Variants in MTMR12 observed in about 807,000 individuals in gnomAD.
MTMR12 encodes myotubularin-related protein 12.
A neutral mutation model predicts 96.7 loss-of-function variants in MTMR12; 33 were observed. That is an observed-to-expected ratio of 0.34 (90% CI 0.26 to 0.46). The LOEUF is 0.46. Among genes scored for constraint, MTMR12 ranks in the 20% least tolerant of loss-of-function variants. The pLI, the probability that MTMR12 is intolerant of heterozygous loss-of-function variation, is 1.00. For missense variants in MTMR12, 721 were observed against 896.1 expected (o/e 0.80, Z 2.49); for synonymous variants, 298 against 327.2 (o/e 0.91, Z 0.96).
chr5:32,275,307 C>T (rs1750008091), intron 2 of MTMR12, among the ~76,000 whole-genome samples: 2 of 152,048 alleles, frequency 1.3e-5, no homozygotes, highest in Admixed American at 1.3e-4. Context: ...AAGACAGGGC[C>T]TCATTAGGGT....
At chr5:32,234,619 G>C (rs539105691) in intron 14 of MTMR12, 1 of 164,976 alleles carries the variant, frequency 6.1e-6, no homozygotes, top group African/African-American at 2.4e-5. Flanking sequence ...ATGTGACCAC[G>C]AGTGAGTTAC....
intron 1 of MTMR12, among the ~76,000 whole-genome samples, chr5:32,281,562 T>C (rs1750294946): frequency 6.6e-6 from 1 of 152,180 alleles, no homozygotes; most frequent in South Asian, 2.1e-4. Flanking sequence ...GAAAGCACTT[T>C]GAACCCTCTG....
chr5:32,262,130 T>C (rs529084810), intron 7 of MTMR12, among the ~76,000 whole-genome samples: 1 of 152,134 alleles, frequency 6.6e-6, no homozygotes, highest in South Asian at 2.1e-4. Context: ...AGGAAGAAAC[T>C]CTCATACACT....
Position 32,276,691 on chromosome 5 carries a change from A to G in MTMR12, c.133T>C (p.Leu45=), listed in dbSNP as rs1369921197. Residue 45 remains leucine (L), a synonymous_variant, in exon 2 of 16, where the codon TTG becomes CTG. Transcript: ENST00000382142. ...CTAACATGACAGTTACCTGGCAACA[A>G]GTGAAGAGTTACTTCCTTCTCTGTT... is the stretch of plus-strand genomic sequence containing the variant. The part of the protein sequence containing the change: ...EVTEKEVTLH[L]LPGEQLLCEA... The G allele has an allele frequency of 2.5e-6, 4 of 1,613,618 alleles. No individual in the cohort carries two copies. In the African/African-American group the frequency reaches 5.3e-5, roughly 22 times the overall value.
intron 7 of MTMR12, among the ~76,000 whole-genome samples, chr5:32,257,943 A>G (rs1012480936): frequency 6.6e-6 from 1 of 152,118 alleles, no homozygotes; most frequent in Non-Finnish European, 1.5e-5. Flanking sequence ...AAATGTAGAT[A>G]TAAGTTTTTT....
intron 1 of MTMR12, among the ~76,000 whole-genome samples, chr5:32,305,560 T>C (rs1751319513): frequency 6.6e-6 from 1 of 152,190 alleles, no homozygotes; most frequent in African/African-American, 2.4e-5. Context: ...CCCAATAATT[T>C]CATCTTTTCT....
At chr5:32,289,180 G>A (rs892027015) in intron 1 of MTMR12, among the ~76,000 whole-genome samples, 10 of 152,194 alleles carry the variant, frequency 6.6e-5, no homozygotes, top group African/African-American at 2.4e-4. Context: ...TCTGACTCAC[G>A]TAGAGCTCTG....
chr5:32,243,743 G>T, intron 10 of MTMR12, 144 bp from the exon 11 acceptor site: 1 of 577,996 alleles, frequency 1.7e-6, no homozygotes, highest in Non-Finnish European at 3.0e-6. Context: ...TCTATTTTGA[G>T]TAAGGGTCAT....
At position 32,250,970 on chromosome 5, in the gene MTMR12, T is replaced by C. The variant is rs144877005; in HGVS notation, c.790-2092A>G. ...AGAATTCTTAGTATGAGTGACTTCA[T>C]AGGCAAGAATCACAGTTTGTTAATC... On this transcript the variant is annotated intron_variant, in intron 8 of 15. Coordinates refer to ENST00000382142, the MANE Select transcript of MTMR12 (RefSeq NM_001040446.3). Among the ~76,000 whole-genome samples the C allele has an allele frequency of 1.2e-3, 181 of 152,162 alleles. 1 individual carries two copies. In the East Asian group the frequency reaches 0.028, roughly 24 times the overall value.
intron 2 of MTMR12, 29 bp from the exon 3 acceptor site, chr5:32,274,151 A>C (rs755753592): frequency 6.2e-7 from 1 of 1,610,772 alleles, no homozygotes. Flanking sequence ...GGTCCTCCTT[A>C]GAGTTCTCAG....
At chr5:32,261,796 G>C (rs866825494) in intron 7 of MTMR12, among the ~76,000 whole-genome samples, 1 of 152,208 alleles carries the variant, frequency 6.6e-6, no homozygotes, top group African/African-American at 2.4e-5. Context: ...AAAAAGGCCG[G>C]GCGCAATGGC....
At position 32,233,148 on chromosome 5, in the gene MTMR12, C is replaced by CGGA; in HGVS notation, c.1674+624_1674+625insTCC. The CGGA allele has an allele frequency of 3.2e-6, 1 of 313,592 alleles. No homozygotes were observed. The highest frequency in any genetic ancestry group is 4.6e-6 in the Non-Finnish European group (1 of 215,860). The allele number at this position is 313,592 out of a possible 1,614,324, so 19.4% of individuals were successfully genotyped here. On this transcript the variant is annotated intron_variant, in intron 15 of 15. Transcript: ENST00000382142. The surrounding 1 kb of genome is among the most constrained non-coding windows in gnomAD (Gnocchi z 5.0). ...GGCCACCCCTCCGGCCAAATCTGGC[C>CGGA]TGGCGCCTGTTCTCGTAAACACTGG...
In MTMR12 at chr5:32,248,883, A is replaced by G. The variant is rs1266964380; in HGVS notation, c.790-5T>C. On this transcript the variant is annotated splice_region_variant and splice_polypyrimidine_tract_variant and intron_variant, in intron 8 of 15. Transcript: ENST00000382142. ...GTGGCAGGACCAACACCATATCTGTAGAAACAAATAAAGCTTTACCAGATA... is the reference window on the plus strand; with the variant it reads ...GTGGCAGGACCAACACCATATCTGTGGAAACAAATAAAGCTTTACCAGATA... The G allele has an allele frequency of 6.2e-7, 1 of 1,608,400 alleles. No homozygotes were observed. The highest frequency in any genetic ancestry group is 2.2e-5 in the East Asian group (1 of 44,836).
At chr5:32,301,227 G>A (rs1751129895) in intron 1 of MTMR12, among the ~76,000 whole-genome samples, 1 of 152,202 alleles carries the variant, frequency 6.6e-6, no homozygotes, top group Non-Finnish European at 1.5e-5. Flanking sequence ...GGCATCAAAG[G>A]AGAAGGCACA....
intron 14 of MTMR12, chr5:32,234,641 T>G (rs1748134363): frequency 5.8e-6 from 1 of 171,936 alleles, no homozygotes; most frequent in Admixed American, 6.1e-5. Flanking sequence ...TATCCTTTTT[T>G]TGCCTCAGCT....
rs763792019 is a variant in MTMR12 at position 32,276,701 on chromosome 5, T to A, written c.123A>T (p.Val41=). ...AGTTACCTGGCAACAAGTGAAGAGT[T>A]ACTTCCTTCTCTGTTACTTCCTTTT... ...TNEKEVTEKE[V]TLHLLPGEQL... The change falls in exon 2 of 16, where the codon GTA becomes GTT. Residue 41 remains valine, a synonymous_variant. Coordinates refer to ENST00000382142, the MANE Select transcript of MTMR12 (RefSeq NM_001040446.3). 1.2e-6 allele frequency: 2 copies of A among 1,613,918 alleles called. No homozygotes were observed. Among genetic ancestry groups the A allele is most frequent in the Non-Finnish European group, 1.7e-6 (2 of 1,179,862 alleles).
intron 3 of MTMR12, among the ~76,000 whole-genome samples, 156 bp downstream of exon 3, chr5:32,273,824 C>G (rs530724900): frequency 1.3e-5 from 2 of 152,234 alleles, no homozygotes; most frequent in African/African-American, 4.8e-5. Context: ...CTATTCCCCC[C>G]AAACTTCACC....
chr5:32,305,375 G>C (rs1029449660), intron 1 of MTMR12, among the ~76,000 whole-genome samples: 1 of 151,956 alleles, frequency 6.6e-6, no homozygotes, highest in Non-Finnish European at 1.5e-5. Flanking sequence ...GTGAGCCACC[G>C]CTCCTGGCCA....
intron 8 of MTMR12, among the ~76,000 whole-genome samples, chr5:32,250,729 T>C (rs925635590): frequency 6.6e-6 from 1 of 152,186 alleles, no homozygotes; most frequent in Non-Finnish European, 1.5e-5. Flanking sequence ...CTTGGTGATA[T>C]CCAACTATAA....
Sources: allele counts gnomAD v4.1 joint callset (sites outside exome capture counted in the v4.1 genomes callset), GRCh38; gene constraint gnomAD v4.1.1; non-coding constraint Gnocchi (gnomAD v3.1); transcripts MANE v1.5; gene names NCBI Gene and HGNC (gene_info 2026-07-23, HGNC 2026-07-21).